The following NTRK2 variants were observed in gnomAD, a reference collection of about 807,000 sequenced individuals.
NTRK2 encodes the protein neurotrophic receptor tyrosine kinase 2.
A neutral mutation model predicts 94.5 loss-of-function variants in NTRK2; 13 were observed. The ratio of observed to expected loss-of-function variants is 0.14; its 90% confidence interval spans 0.09 to 0.22. The LOEUF (loss-of-function observed/expected upper bound fraction) is 0.22, where lower values mean the gene tolerates loss of function less well. Among genes scored for constraint, NTRK2 ranks in the 10% least tolerant of loss-of-function variants. The pLI, the probability that NTRK2 is intolerant of heterozygous loss-of-function variation, is 1.00. For missense variants in NTRK2, 639 were observed against 1,071.2 expected (o/e 0.60, Z 5.63); for synonymous variants, 372 against 407.4 (o/e 0.91, Z 1.05).
chr9:85,008,946 G>C (rs570154664), intron 17 of NTRK2, among the ~76,000 whole-genome samples: 5 of 152,372 alleles, frequency 3.3e-5, no homozygotes, highest in African/African-American at 1.2e-4. Context: ...TACTGGGGAA[G>C]TTTATAGGCT....
chr9:84,808,111 A>G (rs1299881974), intron 12 of NTRK2, among the ~76,000 whole-genome samples: 1 of 152,200 alleles, frequency 6.6e-6, no homozygotes, highest in African/African-American at 2.4e-5. Flanking sequence ...AAGCACAAGA[A>G]GGTTGCAGAG....
intron 2 of NTRK2, among the ~76,000 whole-genome samples, chr9:84,696,996 G>T (rs886307715): frequency 6.6e-6 from 1 of 152,106 alleles, no homozygotes; most frequent in Non-Finnish European, 1.5e-5. Context: ...GCACATTCTG[G>T]GCAGAACAGG....
chr9:84,812,769 AT>A, intron 12 of NTRK2: 1 of 1,040,100 alleles, frequency 9.6e-7, no homozygotes, highest in Non-Finnish European at 1.2e-6. Flanking sequence ...AAAAGGAAAA[AT>A]AAAAAAAAAG....
intron 14 of NTRK2, among the ~76,000 whole-genome samples, chr9:84,910,039 T>C (rs536599100): frequency 1.6e-4 from 24 of 152,306 alleles, no homozygotes; most frequent in African/African-American, 5.8e-4. Flanking sequence ...TCTATATTTA[T>C]TTTTTTCTAC....
At chr9:84,798,273 C>T (rs896851895) in intron 12 of NTRK2, among the ~76,000 whole-genome samples, 7 of 152,052 alleles carry the variant, frequency 4.6e-5, no homozygotes, top group Admixed American at 1.3e-4. Flanking sequence ...AGTTATTATA[C>T]CTCCCAAATG....
rs903104227 is a variant in NTRK2, at chr9:85,026,286, C to T, written c.*4849C>T. ...TGGGGATGTCATTTTTTAGTCTATG[C>T]GTTTGAGGCCAGGTCCATGTTTATT... is the stretch of plus-strand genomic sequence containing the variant. On this transcript the variant is annotated 3_prime_UTR_variant, in exon 19 of 19. Coordinates refer to ENST00000277120, the MANE Select transcript of NTRK2 (RefSeq NM_006180.6). 1.3e-5 allele frequency: 3 copies of T among 231,092 alleles called. No homozygotes were observed. Among genetic ancestry groups the T allele is most frequent in the Non-Finnish European group, 2.6e-5 (3 of 116,898 alleles). The allele number at this position is 231,092 out of a possible 1,614,324, so 14.3% of individuals were successfully genotyped here.
intron 2 of NTRK2, among the ~76,000 whole-genome samples, chr9:84,672,183 AC>A (rs1233541067): frequency 1.3e-5 from 2 of 152,070 alleles, no homozygotes; most frequent in Non-Finnish European, 2.9e-5. Flanking sequence ...TAAGTAAGAG[AC>A]CTTCCTAGTC....
intron 12 of NTRK2, among the ~76,000 whole-genome samples, chr9:84,779,923 A>G (rs1479345924): frequency 6.6e-6 from 1 of 152,190 alleles, no homozygotes; most frequent in African/African-American, 2.4e-5. Context: ...AAGGGAACCA[A>G]GATACTCTGG....
At chr9:84,945,776 T>A (rs2078579275) in intron 15 of NTRK2, among the ~76,000 whole-genome samples, 1 of 152,232 alleles carries the variant, frequency 6.6e-6, no homozygotes, top group African/African-American at 2.4e-5. Context: ...AACAGCCCCA[T>A]CGAAGCTTTA....
chr9:84,888,307 G>A (rs2076479522), intron 14 of NTRK2, among the ~76,000 whole-genome samples: 1 of 152,050 alleles, frequency 6.6e-6, no homozygotes, highest in African/African-American at 2.4e-5. Flanking sequence ...TGAGGAAAGG[G>A]ATGCTTGAAG....
intron 12 of NTRK2, among the ~76,000 whole-genome samples, chr9:84,755,409 C>A (rs779268163): frequency 2.6e-5 from 4 of 152,026 alleles, no homozygotes; most frequent in Non-Finnish European, 5.9e-5. Flanking sequence ...TCAACTCCGT[C>A]CACCTAAGTT....
chr9:85,003,963 G>C (rs1407374131), intron 17 of NTRK2, among the ~76,000 whole-genome samples: 1 of 129,820 alleles, frequency 7.7e-6, no homozygotes, highest in African/African-American at 3.0e-5. Context: ...TGGTGGTGAT[G>C]GTTGTGCTAT....
intron 12 of NTRK2, among the ~76,000 whole-genome samples, chr9:84,792,887 C>G (rs1426856776): frequency 6.6e-6 from 1 of 152,182 alleles, no homozygotes; most frequent in Admixed American, 6.5e-5. Flanking sequence ...TATTATATAA[C>G]TTCCCCTAGT....
chr9:84,746,985 C>T (rs951891925), intron 11 of NTRK2, among the ~76,000 whole-genome samples: 1 of 152,116 alleles, frequency 6.6e-6, no homozygotes, highest in Non-Finnish European at 1.5e-5. Context: ...TGGCTGACAC[C>T]TAGTAGGCAC....
intron 17 of NTRK2, among the ~76,000 whole-genome samples, chr9:84,982,530 A>G (rs1564523743): frequency 1.3e-5 from 2 of 152,202 alleles, no homozygotes; most frequent in Admixed American, 6.5e-5. Flanking sequence ...TCTCTTCTAT[A>G]TGCCAACTAC....
chr9:84,903,758 C>T (rs925801413), intron 14 of NTRK2, among the ~76,000 whole-genome samples: 3 of 151,544 alleles, frequency 2.0e-5, no homozygotes, highest in Non-Finnish European at 4.4e-5. Context: ...CTCTCTCTCT[C>T]TCAGATTATA....
At chr9:84,833,676 C>T (rs1389444261) in intron 12 of NTRK2, among the ~76,000 whole-genome samples, 1 of 152,016 alleles carries the variant, frequency 6.6e-6, no homozygotes, top group East Asian at 1.9e-4. Flanking sequence ...GCAGGGATCA[C>T]TCCTATAGAT....
chr9:84,858,447 C>A (rs990599264), intron 12 of NTRK2, among the ~76,000 whole-genome samples: 3 of 152,068 alleles, frequency 2.0e-5, no homozygotes, highest in Non-Finnish European at 4.4e-5. Flanking sequence ...AACCCCCCTT[C>A]CAGCTGCATC....
intron 6 of NTRK2, among the ~76,000 whole-genome samples, chr9:84,721,460 G>C (rs113861462): frequency 0.032 from 4,937 of 152,324 alleles, 121 homozygotes; most frequent in Non-Finnish European, 0.051. Flanking sequence ...ACAGGCGTGA[G>C]CCACTGCACC....
Sources: allele counts gnomAD v4.1 joint callset (sites outside exome capture counted in the v4.1 genomes callset), GRCh38; gene constraint gnomAD v4.1.1; transcripts MANE v1.5; gene names NCBI Gene and HGNC (gene_info 2026-07-23, HGNC 2026-07-21).